The following SLIT2 variants were observed in gnomAD, a reference collection of about 807,000 sequenced individuals.
SLIT2 encodes the protein slit guidance ligand 2.
In SLIT2, 41 loss-of-function variants were observed where a neutral mutation model predicts 185.7. The observed-to-expected ratio is 0.22, with a 90% CI of 0.17 to 0.29. SLIT2 has a LOEUF of 0.29. Ranked by LOEUF, SLIT2 falls within the 10% of genes least tolerant of loss-of-function variation. The pLI, the probability that SLIT2 is intolerant of heterozygous loss-of-function variation, is 1.00. For synonymous variants in SLIT2, 693 were observed against 680.2 expected, an observed-to-expected ratio of 1.02 and a Z score of -0.29; for missense variants, 1,571 against 1,909.0, an observed-to-expected ratio of 0.82 and a Z score of 3.30.
At chr4:20,598,911 A>G (rs1292806268) in intron 33 of SLIT2, among the ~76,000 whole-genome samples, 1 of 152,166 alleles carries the variant, frequency 6.6e-6, no homozygotes, top group African/African-American at 2.4e-5. Context: ...TATAGACTCT[A>G]GTAATGTAGC....
chr4:20,594,091 C>CTT (rs1727742403), intron 30 of SLIT2, among the ~76,000 whole-genome samples: 1 of 148,164 alleles, frequency 6.7e-6, no homozygotes, highest in African/African-American at 2.5e-5. Flanking sequence ...CTAAGTTATA[C>CTT]TTTTCTCATA....
intron 4 of SLIT2, among the ~76,000 whole-genome samples, chr4:20,339,090 C>CAAAAAAA (rs398051113): frequency 1.3e-4 from 9 of 70,728 alleles, no homozygotes; most frequent in East Asian, 4.7e-4. Context: ...GAGACACTCT[C>CAAAAAAA]AAAAAAAAAA....
intron 16 of SLIT2, among the ~76,000 whole-genome samples, chr4:20,531,421 T>C (rs962825191): frequency 3.3e-5 from 5 of 152,158 alleles, no homozygotes; most frequent in African/African-American, 1.2e-4. Context: ...CTAGGAAAAT[T>C]AGTAAAAGCA....
intron 29 of SLIT2, among the ~76,000 whole-genome samples, chr4:20,580,064 AT>A (rs1553845226): frequency 3.1e-5 from 3 of 97,962 alleles, no homozygotes; most frequent in South Asian, 3.3e-4. Flanking sequence ...TTATGTATAT[AT>A]TATATATATA....
chr4:20,575,461 GA>G (rs1026019380), intron 29 of SLIT2, among the ~76,000 whole-genome samples: 5 of 152,040 alleles, frequency 3.3e-5, no homozygotes, highest in African/African-American at 1.2e-4. Flanking sequence ...ACAAAGGTGG[GA>G]AAAAACTTCT....
At position 20,542,845 on chromosome 4, in the gene SLIT2, TGTGTGTGTGTGTGTGTGC is replaced by T. The variant is rs1349644314; in HGVS notation, c.2276+221_2276+238del. Among the ~76,000 whole-genome samples, 133 of 102,254 alleles carry T rather than the reference TGTGTGTGTGTGTGTGTGC, an allele frequency of 1.3e-3. 1 individual carries two copies. Among genetic ancestry groups the T allele is most frequent in the African/African-American group, 1.7e-3 (39 of 22,776 alleles). 67.1% of individuals were successfully genotyped at this position (102,254 alleles called of 152,430 possible). On this transcript the variant is annotated intron_variant, in intron 21 of 36. Transcript: ENST00000504154. ...GTGTGTGTGTGTGTGTGTGTGTGTG[TGTGTGTGTGTGTGTGTGC>T]GCTATAAGATTTCTCAGTGCCTTTA... is the stretch of plus-strand genomic sequence containing the variant.
intron 4 of SLIT2, among the ~76,000 whole-genome samples, chr4:20,418,900 TA>T (rs1727926360): frequency 1.3e-5 from 2 of 152,226 alleles, no homozygotes; most frequent in African/African-American, 2.4e-5. Flanking sequence ...ATATTAACTG[TA>T]CCCATGAACT....
At chr4:20,612,816 A>C (rs1410087090) in intron 34 of SLIT2, among the ~76,000 whole-genome samples, 1 of 151,078 alleles carries the variant, frequency 6.6e-6, no homozygotes, top group Admixed American at 6.6e-5. Flanking sequence ...TACTTGGGAG[A>C]CTGAGGCAGG....
chr4:20,383,847 C>T (rs777169111), intron 4 of SLIT2, among the ~76,000 whole-genome samples: 7 of 152,094 alleles, frequency 4.6e-5, no homozygotes, highest in Non-Finnish European at 1.0e-4. Context: ...GGATTACAGG[C>T]GCTGGCCACC....
At chr4:20,394,353 AT>A (rs1042580625) in intron 4 of SLIT2, among the ~76,000 whole-genome samples, 1 of 151,992 alleles carries the variant, frequency 6.6e-6, no homozygotes, top group African/African-American at 2.4e-5. Flanking sequence ...ATGGAACTTT[AT>A]TTAAAAGTTT....
chr4:20,518,360 C>T (rs1720452611), intron 11 of SLIT2, among the ~76,000 whole-genome samples: 1 of 139,494 alleles, frequency 7.2e-6, no homozygotes, highest in African/African-American at 2.6e-5. Context: ...TCATGCCATT[C>T]TCCTGCCTCA....
At chr4:20,281,094 A>G (rs946130233) in intron 4 of SLIT2, among the ~76,000 whole-genome samples, 5 of 152,148 alleles carry the variant, frequency 3.3e-5, no homozygotes, top group African/African-American at 1.2e-4. Flanking sequence ...CGGCCTCCCA[A>G]AGTGCTGGGA....
At chr4:20,513,178 C>T (rs1719908537) in intron 11 of SLIT2, among the ~76,000 whole-genome samples, 1 of 152,160 alleles carries the variant, frequency 6.6e-6, no homozygotes, top group South Asian at 2.1e-4. Context: ...AAAGCTTTAT[C>T]TTTACTTGCA....
intron 18 of SLIT2, among the ~76,000 whole-genome samples, chr4:20,536,066 T>TAAACAGAAACAG (rs1414448333): frequency 6.6e-6 from 1 of 152,188 alleles, no homozygotes; most frequent in Non-Finnish European, 1.5e-5. Context: ...TGTAAAGTAT[T>TAAACAGAAACAG]TGTGTATCTA....
intron 29 of SLIT2, among the ~76,000 whole-genome samples, chr4:20,577,366 AC>A (rs1726162366): frequency 6.6e-6 from 1 of 152,214 alleles, no homozygotes. Context: ...CTTAACACCT[AC>A]ATTTATAGCA....
intron 4 of SLIT2, among the ~76,000 whole-genome samples, chr4:20,305,031 C>T (rs547275676): frequency 9.2e-5 from 14 of 152,246 alleles, no homozygotes; most frequent in East Asian, 1.9e-4. Context: ...GTGAATTCTT[C>T]GAAGAATGAA....
chr4:20,513,500 G>C (rs1204554771), intron 11 of SLIT2, among the ~76,000 whole-genome samples: 10 of 152,172 alleles, frequency 6.6e-5, no homozygotes, highest in Admixed American at 1.3e-4. Context: ...TTGAACCACA[G>C]TTAATATGTT....
Position 20,529,013 on chromosome 4 carries a change from G to A in SLIT2, c.1527G>A (p.Lys509=), listed in dbSNP as rs752023541. 6.2e-7 allele frequency: 1 copy of A among 1,613,948 alleles called. No individual in the cohort carries two copies. The highest frequency in any genetic ancestry group is 8.5e-7 in the Non-Finnish European group (1 of 1,179,934). ...TTGCGGATCTGGCTTGCCCTGAAAA[G>A]TGTCGCTGTGAAGGAACCACAGTAG... ...DCFADLACPE[K]CRCEGTTVDC... Residue 509 remains lysine (K), a synonymous_variant, in exon 16 of 37, where the codon AAG becomes AAA. Transcript: ENST00000504154.
At chr4:20,511,242 T>C (rs563268677) in intron 11 of SLIT2, 105 bp downstream of exon 11, 2 of 621,402 alleles carry the variant, frequency 3.2e-6, no homozygotes, top group Non-Finnish European at 5.8e-6. Flanking sequence ...TTATTATGAA[T>C]AATGAATTAT....
Sources: allele counts gnomAD v4.1 joint callset (sites outside exome capture counted in the v4.1 genomes callset), GRCh38; gene constraint gnomAD v4.1.1; transcripts MANE v1.5; gene names NCBI Gene and HGNC (gene_info 2026-07-23, HGNC 2026-07-21).